The following DENND1C variants were observed in gnomAD, a reference collection of about 807,000 sequenced individuals.
The protein encoded by DENND1C is DENN domain-containing protein 1C.
A neutral mutation model predicts 87.9 loss-of-function variants in DENND1C; 64 were observed. The ratio of observed to expected loss-of-function variants is 0.73; its 90% confidence interval spans 0.60 to 0.90. The LOEUF is 0.90. Among genes scored for constraint, DENND1C ranks in the 40% least tolerant of loss-of-function variants. The probability of loss-of-function intolerance (pLI) is 0.00; values close to 1 mark genes in which losing one functional copy is unlikely to be tolerated. For missense variants in DENND1C, 980 were observed against 1,037.0 expected, an observed-to-expected ratio of 0.95 and a Z score of 0.76; for synonymous variants, 384 against 424.4, an observed-to-expected ratio of 0.90 and a Z score of 1.17.
chr19:6,479,692 G>C lies in DENND1C; in HGVS notation c.153C>G (p.Phe51Leu), dbSNP rs771459900. 5 of 1,613,812 alleles carry C rather than the reference G, an allele frequency of 3.1e-6. No individual in the cohort carries two copies. The African/African-American group carries it at 6.7e-5, about 22-fold the overall frequency. Reference sequence around the variant, plus strand: ...ACCTTTCCACATCAAAAGGGAAGCAGAATTTAGGCACCATCTGCATAGCTT... The same window carrying C: ...ACCTTTCCACATCAAAAGGGAAGCACAATTTAGGCACCATCTGCATAGCTT... ...DQEAMQMVPK[F>L]CFPFDVEREP... The change falls in exon 4 of 23, where the codon TTC (phenylalanine) becomes TTG (leucine). Residue 51 changes from phenylalanine (F) to leucine (L), a missense_variant. By Grantham distance (22) the Phe-to-Leu change is conservative (BLOSUM62 0). Transcript: ENST00000381480.
Position 6,477,360 on chromosome 19 carries a change from G to A in DENND1C, c.447+18C>T, listed in dbSNP as rs779458758. The A allele has an allele frequency of 2.5e-6, 4 of 1,613,012 alleles. No individual in the cohort carries two copies. In the South Asian group the frequency reaches 4.4e-5, roughly 18 times the overall value. Reference sequence around the variant, plus strand: ...CATCCACCTAAGGTCCAGCGCCCAGGGAATGGGAGCTACTCACCAGCTCAA... The same window carrying A: ...CATCCACCTAAGGTCCAGCGCCCAGAGAATGGGAGCTACTCACCAGCTCAA... On this transcript the variant is annotated intron_variant, in intron 7 of 22. Coordinates refer to ENST00000381480, the MANE Select transcript of DENND1C (RefSeq NM_024898.4).
rs756177920 is a variant in DENND1C at position 6,478,871 on chromosome 19, G to T, written c.297-19C>A. 2.2e-5 allele frequency: 35 copies of T among 1,613,762 alleles called. No individual in the cohort carries two copies. The highest frequency in any genetic ancestry group is 8.3e-5 in the Admixed American group (5 of 59,976). On this transcript the variant is annotated intron_variant, in intron 5 of 22. Transcript: ENST00000381480. ...CAGGTGGCTGTGGAGAGAGGAGACA[G>T]GTTCCACGAAGTGTCCCTAGGCCTC...
intron 10 of DENND1C, 157 bp downstream of exon 10, chr19:6,476,700 A>C: frequency 2.8e-6 from 2 of 716,180 alleles, no homozygotes; most frequent in Non-Finnish European, 4.5e-6. Context: ...GGGCGGGGCC[A>C]GAGTTCAACT....
At position 6,467,702 on chromosome 19, in the gene DENND1C, A is replaced by C. The variant is rs764546265; in HGVS notation, c.2208T>G (p.Asp736Glu). 3.3e-6 allele frequency: 5 copies of C among 1,521,422 alleles called. No individual in the cohort carries two copies. The highest frequency in any genetic ancestry group is 4.4e-6 in the Non-Finnish European group (5 of 1,137,688). 94.2% of individuals were successfully genotyped at this position (1,521,422 alleles called of 1,614,324 possible). A position where few individuals can be genotyped will look rare whatever the true frequency, so the allele number is the denominator to read the frequency against. The change falls in exon 23 of 23, where the codon GAT (aspartate) becomes GAG (glutamate). Residue 736 changes from aspartate (D) to glutamate (E), a missense_variant. Coordinates refer to ENST00000381480, the MANE Select transcript of DENND1C (RefSeq NM_024898.4). ...FDIAWTSQPL[D>E]PSSDPSSLED... ...CCAGAGAACTGGGGTCTGAGGAAGG[A>C]TCAAGGGGCTGGGACGTCCAGGCTA...
chr19:6,479,621 T>C, intron 4 of DENND1C, 48 bp downstream of exon 4: 1 of 1,611,980 alleles, frequency 6.2e-7, no homozygotes, highest in South Asian at 1.1e-5. Flanking sequence ...TTGGGGCCCC[T>C]GAGAGATCTG....
intron 14 of DENND1C, among the ~76,000 whole-genome samples, chr19:6,474,511 A>T (rs1466020331): frequency 6.6e-6 from 1 of 152,194 alleles, no homozygotes; most frequent in African/African-American, 2.4e-5. Context: ...GTTTCCTCAT[A>T]TGGAAAATGG....
rs747135540 is a variant in DENND1C at position 6,477,299 on chromosome 19, G to A, written c.448-16C>T. The A allele has an allele frequency of 1.0e-5, 16 of 1,596,710 alleles. No individual in the cohort carries two copies. The East Asian group carries it at 2.2e-4, about 22-fold the overall frequency. On this transcript the variant is annotated splice_polypyrimidine_tract_variant and intron_variant, in intron 7 of 22. Coordinates refer to ENST00000381480, the MANE Select transcript of DENND1C (RefSeq NM_024898.4). ...CTCCGCTGCCCTGGGGAAGAGGCAC[G>A]ACTCTGTGGTCATGATGGCTGGGAC...
At chr19:6,480,469 T>A in intron 1 of DENND1C, 1 of 984,832 alleles carries the variant, frequency 1.0e-6, no homozygotes, top group Non-Finnish European at 1.2e-6. Flanking sequence ...TCTCTCTATA[T>A]ATATATCCAT....
intron 10 of DENND1C, chr19:6,476,547 A>C: frequency 3.6e-6 from 1 of 275,826 alleles, no homozygotes; most frequent in South Asian, 7.4e-5. Flanking sequence ...GGGTCCCTGG[A>C]TTCCCACGTG....
intron 14 of DENND1C, 94 bp downstream of exon 14, chr19:6,475,180 A>G (rs2092851133): frequency 6.3e-7 from 1 of 1,578,458 alleles, no homozygotes. Flanking sequence ...TACAGGCGTG[A>G]GCCACTGCGT....
Position 6,471,564 on chromosome 19 carries a change from C to T in DENND1C, c.1159-68G>A, listed in dbSNP as rs1195163573. On this transcript the variant is annotated intron_variant, in intron 15 of 22. Transcript: ENST00000381480. ...CTGAATGCCAGCACTTCGAAGCCTG[C>T]CTGCTGTCAAGATGTAGAAGCCATC... 1.1e-5 allele frequency: 16 copies of T among 1,403,124 alleles called. No individual in the cohort carries two copies. The East Asian group carries it at 4.0e-4, about 35-fold the overall frequency. 86.9% of individuals were successfully genotyped at this position (1,403,124 alleles called of 1,614,324 possible).
chr19:6,470,512 C>T, intron 17 of DENND1C, 146 bp from the exon 18 acceptor site: 1 of 735,774 alleles, frequency 1.4e-6, no homozygotes, highest in Non-Finnish European at 2.3e-6. Context: ...TAGTCATGAC[C>T]CTACCTGGTG....
chr19:6,475,874 T>C lies in DENND1C; in HGVS notation c.742A>G (p.Ile248Val). 6.4e-7 allele frequency: 1 copy of C among 1,557,766 alleles called. No homozygotes were observed. The highest frequency in any genetic ancestry group is 1.2e-5 in the South Asian group (1 of 84,812). ...AGCAGGTGTGGGGGCAGCGTGGGGATCAGCACGTGCTCCCAGCGCATGGGG... is the reference window on the plus strand; with the variant it reads ...AGCAGGTGTGGGGGCAGCGTGGGGACCAGCACGTGCTCCCAGCGCATGGGG... Reference protein sequence around the residue: ...LYPMRWEHVLIPTLPPHLLDY... With the variant: ...LYPMRWEHVLVPTLPPHLLDY... The change falls in exon 11 of 23, where the codon ATC (isoleucine) becomes GTC (valine). Residue 248 changes from isoleucine to valine, a missense_variant. By Grantham distance (29) the Ile-to-Val change is conservative. Coordinates refer to ENST00000381480, the MANE Select transcript of DENND1C (RefSeq NM_024898.4).
At chr19:6,470,624 T>TTTTTG (rs1165850510) in intron 17 of DENND1C, among the ~76,000 whole-genome samples, 4 of 145,524 alleles carry the variant, frequency 2.7e-5, no homozygotes, top group African/African-American at 7.6e-5. Context: ...TTTTTTGTTT[T>TTTTTG]TTTTTTTTTT....
Position 6,475,943 on chromosome 19 carries a change from G to C in DENND1C, c.679-6C>G. The C allele has an allele frequency of 6.4e-7, 1 of 1,553,106 alleles. No homozygotes were observed. Among genetic ancestry groups the C allele is most frequent in the Non-Finnish European group, 8.6e-7 (1 of 1,159,382 alleles). ...GCGTGGACGCACGAGGTCAGCTGGG[G>C]AGCGATGGCGGGGCGTGGAGTCAGG... On this transcript the variant is annotated splice_polypyrimidine_tract_variant and splice_region_variant and intron_variant, in intron 10 of 22. Coordinates refer to ENST00000381480, the MANE Select transcript of DENND1C (RefSeq NM_024898.4).
In DENND1C at chr19:6,467,379, A is replaced by T; in HGVS notation, c.*125T>A. On this transcript the variant is annotated 3_prime_UTR_variant, in exon 23 of 23. Transcript: ENST00000381480. ...AGAGAGGCTGCCCTTGGAGGGACAGAGGTGGGTGGGATGGATTTCCGAGCA... is the reference window on the plus strand; with the variant it reads ...AGAGAGGCTGCCCTTGGAGGGACAGTGGTGGGTGGGATGGATTTCCGAGCA... 7.7e-7 allele frequency: 1 copy of T among 1,301,144 alleles called. No homozygotes were observed. The highest frequency in any genetic ancestry group is 1.0e-6 in the Non-Finnish European group (1 of 985,804). The allele number at this position is 1,301,144 out of a possible 1,614,324, so 80.6% of individuals were successfully genotyped here.
At chr19:6,477,631 T>TAATAATAATAATAATAATAAG in intron 6 of DENND1C, 173 bp from the exon 7 acceptor site, 2 of 215,594 alleles carry the variant, frequency 9.3e-6, no homozygotes, top group Non-Finnish European at 1.8e-5. Flanking sequence ...ATAATAATAA[T>TAATAATAATAATAATAATAAG]AGAGACAAAG....
Position 6,472,925 on chromosome 19 carries a change from GA to G in DENND1C, c.1121del (p.Phe374SerfsTer56). 6.3e-7 allele frequency: 1 copy of G among 1,593,228 alleles called. No homozygotes were observed. The highest frequency in any genetic ancestry group is 8.5e-7 in the Non-Finnish European group (1 of 1,170,886). ...AQKPGAPLQA[F>X]HRRAVHLQLF... is the part of the protein sequence containing the mutation. ...GCTGCAGGTGCACAGCCCGCCGGTG[GA>G]AGGCCTGCAGAGGTGCCCCAGGCTT... On this transcript the variant is annotated frameshift_variant, in exon 15 of 23. Coordinates refer to ENST00000381480, the MANE Select transcript of DENND1C (RefSeq NM_024898.4). LOFTEE classifies it high-confidence loss of function.
intron 17 of DENND1C, 32 bp downstream of exon 17, chr19:6,471,233 A>G (rs942755023): frequency 2.2e-5 from 35 of 1,565,032 alleles, no homozygotes; most frequent in East Asian, 1.2e-4. Context: ...GCCTAAGCCA[A>G]CGCCCACGGC....
Sources: gnomAD v4.1 joint callset for allele counts (sites outside exome capture counted in the v4.1 genomes callset) on GRCh38, gnomAD v4.1.1 for gene constraint, MANE v1.5 for transcripts, NCBI Gene and HGNC (gene_info 2026-07-23, HGNC 2026-07-21) for gene names.